TFEC: variants seen among roughly 807,000 people sequenced by gnomAD.
The protein encoded by TFEC is transcription factor EC.
In TFEC, 31 loss-of-function variants were observed where a neutral mutation model predicts 41.6. That is an observed-to-expected ratio of 0.74 (90% CI 0.56 to 1.01). TFEC has a LOEUF of 1.01. TFEC is among the 50% of genes least tolerant of loss of function. The pLI, the probability that TFEC is intolerant of heterozygous loss-of-function variation, is 0.00. For missense variants in TFEC, 402 were observed against 404.1 expected, an observed-to-expected ratio of 0.99 and a Z score of 0.04; for synonymous variants, 143 against 140.6, an observed-to-expected ratio of 1.02 and a Z score of -0.12.
chr7:115,999,192 T>C (rs1462800477), intron 1 of TFEC, among the ~76,000 whole-genome samples: 1 of 151,966 alleles, frequency 6.6e-6, no homozygotes, highest in Non-Finnish European at 1.5e-5. Context: ...AAAGGAATCT[T>C]GGAAACTACA....
rs147948791 is a variant in TFEC at position 116,110,839 on chromosome 7, G to A, written c.67C>T (p.Leu23Phe). 4.6e-4 allele frequency: 715 copies of A among 1,547,578 alleles called. 3 individuals are homozygous for A. The highest frequency in any genetic ancestry group is 5.9e-4 in the South Asian group (49 of 83,638). Residue 23 changes from leucine (L) to phenylalanine (F), a missense_variant, in exon 3 of 9, where the codon CTT becomes TTT. By Grantham distance (22) the Leu-to-Phe change is conservative (BLOSUM62 0). Transcript: ENST00000484212. ...GCACTGATTTCCTGGCTGATTTGAA[G>A]TCTTCTCTCCTTTTCTCCTAATTGT...
intron 1 of TFEC, among the ~76,000 whole-genome samples, chr7:115,985,793 T>C (rs1397426687): frequency 6.6e-6 from 1 of 152,120 alleles, no homozygotes. Flanking sequence ...AGTTGTAAAA[T>C]AACATTTCAT....
intron 1 of TFEC, among the ~76,000 whole-genome samples, chr7:115,998,922 T>C (rs895808934): frequency 1.3e-5 from 2 of 152,004 alleles, no homozygotes; most frequent in Admixed American, 6.5e-5. Flanking sequence ...ATTGAAGAGA[T>C]CATCCACACA....
chr7:116,058,788 AACCC>A (rs1796486329), intron 3 of TFEC, among the ~76,000 whole-genome samples: 1 of 151,878 alleles, frequency 6.6e-6, no homozygotes, highest in Non-Finnish European at 1.5e-5. Flanking sequence ...ACTTTAAAAT[AACCC>A]ATGGTTCAAA....
chr7:116,123,561 A>G (rs1463876777), intron 1 of TFEC, among the ~76,000 whole-genome samples: 1 of 151,944 alleles, frequency 6.6e-6, no homozygotes, highest in Non-Finnish European at 1.5e-5. Context: ...TCCTGTTGTC[A>G]CTTATATCAA....
At chr7:116,140,720 A>G (rs996483431) in intron 1 of TFEC, among the ~76,000 whole-genome samples, 1 of 152,176 alleles carries the variant, frequency 6.6e-6, no homozygotes, top group Non-Finnish European at 1.5e-5. Flanking sequence ...ACTATCTTCA[A>G]TTTTTGCCTT....
intron 3 of TFEC, among the ~76,000 whole-genome samples, chr7:115,957,248 C>A (rs1299332783): frequency 6.6e-6 from 1 of 151,820 alleles, no homozygotes; most frequent in Non-Finnish European, 1.5e-5. Flanking sequence ...ATCAGTGCTA[C>A]CAGCAACTCA....
intron 1 of TFEC, among the ~76,000 whole-genome samples, chr7:116,114,027 G>A (rs1797915915): frequency 6.6e-6 from 1 of 151,688 alleles, no homozygotes; most frequent in African/African-American, 2.4e-5. Context: ...AAGTAAGTTG[G>A]GAAAAATAAA....
chr7:116,043,226 A>G (rs1431115919), intron 3 of TFEC, among the ~76,000 whole-genome samples: 1 of 152,192 alleles, frequency 6.6e-6, no homozygotes, highest in Non-Finnish European at 1.5e-5. Context: ...ATATGTGGAT[A>G]TAATGATTTT....
chr7:116,031,551 A>T (rs1554406670), upstream of TFEC, among the ~76,000 whole-genome samples: 1 of 152,158 alleles, frequency 6.6e-6, no homozygotes, highest in African/African-American at 2.4e-5. Context: ...TCATTCTTGT[A>T]ACAGTTACAT....
intron 1 of TFEC, among the ~76,000 whole-genome samples, chr7:115,991,737 G>C (rs1199268293): frequency 2.0e-5 from 3 of 152,124 alleles, no homozygotes; most frequent in Non-Finnish European, 4.4e-5. Flanking sequence ...AAGAGACTTA[G>C]ACTCCCACAC....
chr7:116,152,914 A>T (rs1194766862), intron 1 of TFEC, among the ~76,000 whole-genome samples: 4 of 152,238 alleles, frequency 2.6e-5, no homozygotes. Flanking sequence ...CATTCAACAA[A>T]AACTGACCAA....
At chr7:116,152,239 T>C (rs1798776682) in intron 1 of TFEC, among the ~76,000 whole-genome samples, 2 of 152,082 alleles carry the variant, frequency 1.3e-5, no homozygotes, top group Non-Finnish European at 2.9e-5. Context: ...GAAACAATTT[T>C]CCGACATGGA....
At chr7:116,001,021 A>G (rs1341866717) in intron 1 of TFEC, among the ~76,000 whole-genome samples, 2 of 152,198 alleles carry the variant, frequency 1.3e-5, no homozygotes, top group Admixed American at 1.3e-4. Context: ...CAGAGCAAAA[A>G]TAACATACTG....
At chr7:116,050,511 C>G (rs1796282426) in intron 3 of TFEC, among the ~76,000 whole-genome samples, 1 of 152,146 alleles carries the variant, frequency 6.6e-6, no homozygotes, top group Admixed American at 6.6e-5. Context: ...CTTCTCAAAA[C>G]AAGACATTTA....
intron 1 of TFEC, chr7:116,117,358 G>A (rs1798013266): frequency 2.6e-5 from 4 of 151,796 alleles, no homozygotes; most frequent in Admixed American, 2.6e-4. Context: ...GTAAGTGTCA[G>A]AATTAACCAG....
At chr7:116,046,592 C>T (rs1369560009) in intron 3 of TFEC, among the ~76,000 whole-genome samples, 1 of 152,062 alleles carries the variant, frequency 6.6e-6, no homozygotes, top group African/African-American at 2.4e-5. Context: ...ACCTACAATG[C>T]TACAAAATTG....
intron 3 of TFEC, among the ~76,000 whole-genome samples, chr7:116,085,606 A>G (rs887367511): frequency 1.3e-5 from 2 of 151,920 alleles, no homozygotes; most frequent in Admixed American, 1.3e-4. Flanking sequence ...TATGTTTAAA[A>G]GTCCAAAGTA....
chr7:116,122,810 C>T (rs1055043320), intron 1 of TFEC, among the ~76,000 whole-genome samples: 61 of 152,180 alleles, frequency 4.0e-4, no homozygotes, highest in Middle Eastern at 3.4e-3. Flanking sequence ...TATGCCCCTT[C>T]CCCCCACTTT....
Sources: allele counts gnomAD v4.1 joint callset (sites outside exome capture counted in the v4.1 genomes callset), GRCh38; gene constraint gnomAD v4.1.1; transcripts MANE v1.5; gene names NCBI Gene and HGNC (gene_info 2026-07-23, HGNC 2026-07-21).